The following ATRNL1 variants were observed in gnomAD, a reference collection of about 807,000 sequenced individuals.
ATRNL1 encodes the protein attractin like 1, also known as attractin-like protein 1.
A neutral mutation model predicts 182.7 loss-of-function variants in ATRNL1; 95 were observed. That is an observed-to-expected ratio of 0.52 (90% confidence interval 0.44 to 0.62). The LOEUF is 0.62. ATRNL1 is among the 20% of genes least tolerant of loss of function. The pLI is 0.00. For missense variants in ATRNL1, 1,471 were observed against 1,679.5 expected (o/e 0.88, Z 2.17); for synonymous variants, 576 against 568.3 (o/e 1.01, Z -0.19).
At chr10:115,099,300 T>G (rs1329260491) in intron 1 of ATRNL1, among the ~76,000 whole-genome samples, 2 of 152,258 alleles carry the variant, frequency 1.3e-5, no homozygotes, top group Non-Finnish European at 2.9e-5. Context: ...AGTGTCTGGA[T>G]ACACCATAAT....
At chr10:115,268,292 C>T (rs782638104) in intron 12 of ATRNL1, 34 bp from the exon 13 acceptor site, 19 of 1,193,792 alleles carry the variant, frequency 1.6e-5, no homozygotes, top group East Asian at 4.7e-5. Context: ...TTTTCTTTTC[C>T]GTGCTGATAT....
chr10:115,534,709 C>T (rs1471577340), intron 25 of ATRNL1, among the ~76,000 whole-genome samples: 8 of 151,994 alleles, frequency 5.3e-5, no homozygotes, highest in East Asian at 1.9e-4. Flanking sequence ...TCTCGATGGT[C>T]TTTACATTTT....
chr10:115,894,724 A>G lies in ATRNL1; in HGVS notation c.4018+46733A>G, dbSNP rs551256417. Among the ~76,000 whole-genome samples the G allele has an allele frequency of 9.8e-5, 15 of 152,336 alleles. No homozygotes were observed. The South Asian group carries it at 3.1e-3, about 32-fold the overall frequency. On this transcript the variant is annotated intron_variant, in intron 28 of 28. Transcript: ENST00000355044. Reference sequence around the variant, plus strand: ...ATACTCCTGGACAGAGAGAATGACAATATCAGTTCTTTAAAAATCCAACAC... The same window carrying G: ...ATACTCCTGGACAGAGAGAATGACAGTATCAGTTCTTTAAAAATCCAACAC...
At chr10:115,288,964 T>A (rs1161389739) in intron 15 of ATRNL1, among the ~76,000 whole-genome samples, 1 of 152,212 alleles carries the variant, frequency 6.6e-6, no homozygotes, top group Non-Finnish European at 1.5e-5. Context: ...TTACCAATAT[T>A]TTCTCCTATT....
intron 1 of ATRNL1, among the ~76,000 whole-genome samples, chr10:115,116,054 C>T (rs1268011340): frequency 1.3e-5 from 2 of 152,056 alleles, no homozygotes; most frequent in Admixed American, 1.3e-4. Context: ...TGAAAAGGGC[C>T]AGATAGTAGA....
chr10:115,095,941 A>C (rs2085001249), intron 1 of ATRNL1, among the ~76,000 whole-genome samples: 1 of 152,138 alleles, frequency 6.6e-6, no homozygotes, highest in Non-Finnish European at 1.5e-5. Context: ...CAGTCCTGAG[A>C]AGCTTCATTT....
chr10:115,567,654 G>A (rs1231214696), intron 26 of ATRNL1, among the ~76,000 whole-genome samples: 6 of 151,986 alleles, frequency 3.9e-5, no homozygotes, highest in African/African-American at 1.2e-4. Flanking sequence ...CAAATTCTAT[G>A]TTGATTTGTA....
At chr10:115,510,275 T>A (rs1850323353) in intron 24 of ATRNL1, among the ~76,000 whole-genome samples, 1 of 152,068 alleles carries the variant, frequency 6.6e-6, no homozygotes, top group South Asian at 2.1e-4. Flanking sequence ...GAGGATTGAC[T>A]CCAATTGCAA....
intron 20 of ATRNL1, among the ~76,000 whole-genome samples, chr10:115,420,039 ATT>A (rs34280609): frequency 1.2e-4 from 15 of 127,856 alleles, no homozygotes; most frequent in Admixed American, 8.2e-5. Context: ...TGTCTTAACA[ATT>A]TTTTTTTTTT....
At chr10:115,623,381 C>G (rs1230454549) in intron 26 of ATRNL1, among the ~76,000 whole-genome samples, 1 of 152,056 alleles carries the variant, frequency 6.6e-6, no homozygotes, top group Non-Finnish European at 1.5e-5. Context: ...AATGTAAGCA[C>G]TATCTAATAT....
intron 26 of ATRNL1, among the ~76,000 whole-genome samples, chr10:115,560,653 A>T (rs1409165190): frequency 6.6e-6 from 1 of 151,952 alleles, no homozygotes; most frequent in Non-Finnish European, 1.5e-5. Context: ...ATTTGTAGAA[A>T]TTGACAAGTA....
intron 25 of ATRNL1, among the ~76,000 whole-genome samples, chr10:115,535,217 C>G (rs1321698823): frequency 6.6e-6 from 1 of 152,076 alleles, no homozygotes; most frequent in African/African-American, 2.4e-5. Flanking sequence ...CAACTTGGCT[C>G]CATTCTCCCC....
chr10:115,834,987 A>G (rs1950637013), intron 27 of ATRNL1, among the ~76,000 whole-genome samples: 1 of 152,204 alleles, frequency 6.6e-6, no homozygotes, highest in South Asian at 2.1e-4. Context: ...AGTGTCCACC[A>G]ACTGCTTTTT....
chr10:115,687,961 C>T (rs1946271972), intron 26 of ATRNL1, among the ~76,000 whole-genome samples: 1 of 152,010 alleles, frequency 6.6e-6, no homozygotes, highest in Non-Finnish European at 1.5e-5. Context: ...TTCATTCACT[C>T]CCCCGCTCCC....
At chr10:115,923,183 A>G (rs1432739822) in intron 28 of ATRNL1, among the ~76,000 whole-genome samples, 1 of 152,232 alleles carries the variant, frequency 6.6e-6, no homozygotes, top group South Asian at 2.1e-4. Flanking sequence ...TTGTATCAAC[A>G]TCTTCATGTA....
chr10:115,394,159 G>A (rs1592588194), intron 19 of ATRNL1, among the ~76,000 whole-genome samples: 1 of 151,948 alleles, frequency 6.6e-6, no homozygotes, highest in African/African-American at 2.4e-5. Flanking sequence ...TGTGTTATGT[G>A]TCTTAAATTA....
intron 24 of ATRNL1, among the ~76,000 whole-genome samples, chr10:115,487,788 G>A (rs782668792): frequency 1.3e-5 from 2 of 152,120 alleles, no homozygotes; most frequent in Non-Finnish European, 2.9e-5. Context: ...TGATGAGAGA[G>A]GGCATCCTTG....
chr10:115,592,182 G>T (rs1555012453), intron 26 of ATRNL1, among the ~76,000 whole-genome samples: 1 of 152,096 alleles, frequency 6.6e-6, no homozygotes, highest in African/African-American at 2.4e-5. Flanking sequence ...GTGGAGTGAG[G>T]GATGGAGAGG....
chr10:115,917,556 A>C (rs1373456360), intron 28 of ATRNL1, among the ~76,000 whole-genome samples: 1 of 151,842 alleles, frequency 6.6e-6, no homozygotes, highest in African/African-American at 2.4e-5. Context: ...CAAAGCGAGC[A>C]AAACGTCTGC....
Sources: allele counts gnomAD v4.1 joint callset (sites outside exome capture counted in the v4.1 genomes callset), GRCh38; gene constraint gnomAD v4.1.1; transcripts MANE v1.5; gene names NCBI Gene and HGNC (gene_info 2026-07-23, HGNC 2026-07-21).